The following MCPH1 variants were observed in gnomAD, a reference collection of about 807,000 sequenced individuals.
MCPH1 encodes the protein microcephalin 1.
Under a neutral mutation model 84.5 loss-of-function variants are expected in MCPH1, and 104 were observed. That is an observed-to-expected ratio of 1.23 (90% confidence interval 1.05 to 1.45). MCPH1 has a LOEUF of 1.45. MCPH1 is among the 40% of genes most tolerant of loss of function. MCPH1 has a pLI of 0.00. For synonymous variants in MCPH1, 514 were observed against 366.8 expected (o/e 1.40, Z -4.58); for missense variants, 1,498 against 1,005.7 (o/e 1.49, Z -6.62).
chr8:6,603,583 A>G (rs916822072), intron 12 of MCPH1, among the ~76,000 whole-genome samples: 1 of 152,200 alleles, frequency 6.6e-6, no homozygotes. Context: ...ATAACTGATA[A>G]TGTGGAAGGT....
chr8:6,409,332 A>G lies in MCPH1; in HGVS notation c.76A>G (p.Lys26Glu). The change falls in exon 2 of 14, where the codon AAG (lysine) becomes GAG (glutamate). Residue 26 changes from lysine (K) to glutamate (E), a missense_variant. Physicochemically the swap from Lys to Glu is moderately conservative, Grantham distance 56. Transcript: ENST00000344683. ...WSSNGTENYS[K>E]TFTTQLVDMG... ...ATCCAATGGAACAGAAAATTATTCA[A>G]AGACATTTACAACACAGCTTGTGGA... 1 of 1,614,146 alleles carries G rather than the reference A, an allele frequency of 6.2e-7. No individual in the cohort carries two copies. Among genetic ancestry groups the G allele is most frequent in the Non-Finnish European group, 8.5e-7 (1 of 1,179,986 alleles).
intron 12 of MCPH1, among the ~76,000 whole-genome samples, chr8:6,609,048 C>T (rs1429636104): frequency 6.6e-6 from 1 of 152,176 alleles, no homozygotes; most frequent in Non-Finnish European, 1.5e-5. Context: ...GCCTAAAACC[C>T]CAACTTTCAA....
chr8:6,462,597 T>C (rs2129557567), intron 9 of MCPH1, among the ~76,000 whole-genome samples: 1 of 152,332 alleles, frequency 6.6e-6, no homozygotes, highest in South Asian at 2.1e-4. Flanking sequence ...GGCAGCGCAG[T>C]GTTGCTAAAG....
intron 9 of MCPH1, chr8:6,474,061 G>T: frequency 5.0e-6 from 4 of 800,550 alleles, no homozygotes; most frequent in Non-Finnish European, 9.0e-6. Context: ...CGTACAATAT[G>T]TTGGCATCTA....
intron 12 of MCPH1, chr8:6,562,768 G>A (rs1825755783): frequency 6.2e-7 from 1 of 1,613,812 alleles, no homozygotes; most frequent in Non-Finnish European, 8.5e-7. Context: ...GGGGCTGGAG[G>A]AAGAGCGGCA....
intron 12 of MCPH1, chr8:6,563,500 A>G (rs941558754): frequency 6.6e-6 from 1 of 152,422 alleles, no homozygotes; most frequent in African/African-American, 2.4e-5. Flanking sequence ...AGTATTTCCT[A>G]GAGAGAGCAG....
At chr8:6,464,960 C>T (rs187288825) in intron 9 of MCPH1, among the ~76,000 whole-genome samples, 71 of 150,986 alleles carry the variant, frequency 4.7e-4, no homozygotes, top group Middle Eastern at 6.9e-3. Flanking sequence ...GATCATGCCA[C>T]GGCATTCTGG....
chr8:6,499,145 A>G (rs1229326577), intron 11 of MCPH1, among the ~76,000 whole-genome samples: 1 of 152,140 alleles, frequency 6.6e-6, no homozygotes, highest in Non-Finnish European at 1.5e-5. Context: ...TTTTAGCTCT[A>G]AACTTCTGGT....
chr8:6,540,368 T>C (rs1226277394), intron 12 of MCPH1, among the ~76,000 whole-genome samples: 2 of 152,220 alleles, frequency 1.3e-5, no homozygotes, highest in African/African-American at 4.8e-5. Context: ...TTTAAATATA[T>C]GTAAGTTTAA....
chr8:6,532,862 A>G (rs1819790554), intron 12 of MCPH1, among the ~76,000 whole-genome samples: 1 of 152,236 alleles, frequency 6.6e-6, no homozygotes, highest in South Asian at 2.1e-4. Context: ...AACTCTGACC[A>G]TGCAGTCAGG....
intron 3 of MCPH1, among the ~76,000 whole-genome samples, chr8:6,417,949 A>C (rs1019827323): frequency 4.6e-5 from 7 of 152,202 alleles, no homozygotes; most frequent in African/African-American, 1.7e-4. Flanking sequence ...TTGTTTTAGC[A>C]AGCAGTTAAC....
intron 9 of MCPH1, among the ~76,000 whole-genome samples, chr8:6,470,294 A>G (rs767333744): frequency 5.3e-5 from 8 of 150,564 alleles, no homozygotes; most frequent in Admixed American, 2.6e-4. Flanking sequence ...TTATTTTTTT[A>G]TTTTTTCGAG....
In MCPH1 at chr8:6,436,064, C is replaced by T; in HGVS notation, c.338C>T (p.Pro113Leu). The T allele has an allele frequency of 6.2e-7, 1 of 1,613,360 alleles. No homozygotes were observed. Among genetic ancestry groups the T allele is most frequent in the Non-Finnish European group, 8.5e-7 (1 of 1,179,708 alleles). ...TTTGCACAGCGTAAATGTATGCAGC[C>T]CAAAGATTTTAATTTTAAAACACCA... ...LIKKKRKCMQ[P>L]KDFNFKTPEN... The change falls in exon 5 of 14, where the codon CCC becomes CTC. Residue 113 changes from proline to leucine, a missense_variant. By Grantham distance (98) the Pro-to-Leu change is moderately conservative. Transcript: ENST00000344683.
chr8:6,518,495 GT>G lies in MCPH1; in HGVS notation c.2214+18569del, dbSNP rs560525968. ...AACACAGCATTAATGAATTAGAAAG[GT>G]TTCTTTGGAAAGCATTATGTTGAAT... On this transcript the variant is annotated intron_variant, in intron 12 of 13. Transcript: ENST00000344683. 2.3e-3 allele frequency among the ~76,000 whole-genome samples: 353 copies of G among 152,214 alleles called. 3 individuals are homozygous for G. Among genetic ancestry groups the G allele is most frequent in the African/African-American group, 8.2e-3 (340 of 41,534 alleles).
chr8:6,490,281 A>C (rs976649655), intron 11 of MCPH1, among the ~76,000 whole-genome samples: 1 of 152,226 alleles, frequency 6.6e-6, no homozygotes, highest in African/African-American at 2.4e-5. Flanking sequence ...GAATATTTTA[A>C]CTTCAGGTAT....
intron 12 of MCPH1, chr8:6,502,547 T>G (rs1485671480): frequency 6.6e-6 from 1 of 152,224 alleles, no homozygotes; most frequent in Non-Finnish European, 1.5e-5. Context: ...GGAGTAAAAA[T>G]GCACTAACTG....
intron 9 of MCPH1, among the ~76,000 whole-genome samples, chr8:6,464,626 G>C (rs1451817771): frequency 6.6e-6 from 1 of 152,212 alleles, no homozygotes; most frequent in Admixed American, 6.5e-5. Context: ...TAAAGGTAGA[G>C]GCCACCGACG....
At chr8:6,473,333 T>G (rs1808008663) in intron 9 of MCPH1, among the ~76,000 whole-genome samples, 1 of 124,720 alleles carries the variant, frequency 8.0e-6, no homozygotes, top group Non-Finnish European at 1.6e-5. Flanking sequence ...TTTTTTTTTT[T>G]TTTTTTTTTT....
chr8:6,571,513 G>C (rs1316234039), intron 12 of MCPH1, among the ~76,000 whole-genome samples: 3 of 152,148 alleles, frequency 2.0e-5, no homozygotes, highest in Non-Finnish European at 2.9e-5. Context: ...AAATTTCTTA[G>C]AGTGAATTTT....
Sources: allele counts gnomAD v4.1 joint callset (sites outside exome capture counted in the v4.1 genomes callset), GRCh38; gene constraint gnomAD v4.1.1; transcripts MANE v1.5; gene names NCBI Gene and HGNC (gene_info 2026-07-23, HGNC 2026-07-21).